IQCH: variants seen among roughly 807,000 people sequenced by gnomAD.
IQCH encodes IQ motif containing H.
In IQCH, 98 loss-of-function variants were observed where a neutral mutation model predicts 117.0. The observed-to-expected ratio is 0.84, with a 90% CI of 0.71 to 0.99. The LOEUF is 0.99. IQCH is among the 50% of genes least tolerant of loss of function. IQCH has a pLI of 0.00. For synonymous variants in IQCH, 412 were observed against 448.2 expected, an observed-to-expected ratio of 0.92 and a Z score of 1.02; for missense variants, 1,102 against 1,243.8, an observed-to-expected ratio of 0.89 and a Z score of 1.72.
chr15:67,397,368 T>A (rs577826772), intron 13 of IQCH, among the ~76,000 whole-genome samples: 25 of 152,340 alleles, frequency 1.6e-4, no homozygotes, highest in African/African-American at 6.0e-4. Context: ...AAAACCTCCT[T>A]AGAGACACAT....
rs909702322 is a variant in IQCH, at chr15:67,356,700, A to G, written c.638-645A>G. 1.3e-5 allele frequency among the ~76,000 whole-genome samples: 2 copies of G among 152,162 alleles called. No homozygotes were observed. Among genetic ancestry groups the G allele is most frequent in the African/African-American group, 4.8e-5 (2 of 41,446 alleles). On this transcript the variant is annotated intron_variant, in intron 6 of 20. Transcript: ENST00000335894. This position sits in a 1 kb window ranked among gnomAD's most constrained non-coding sequence, Gnocchi z 5.3. ...GTATAAGGATTTTTCTCCCCTGAGA[A>G]TGTCAGACTTGGGCTTTTGGTAAAG...
rs1180390616 is a variant in IQCH, at chr15:67,476,334, T to C, written c.2799+516T>C. On this transcript the variant is annotated intron_variant, in intron 18 of 20. Transcript: ENST00000335894. This position sits in a 1 kb window ranked among gnomAD's most constrained non-coding sequence, Gnocchi z 4.1. ...GCTTCCTGGCTTGTAAATGGCTGCC[T>C]CCTTGCGGTGTCCTCACATATGGAA... is the stretch of plus-strand genomic sequence containing the variant. Among the ~76,000 whole-genome samples, 1 of 152,250 alleles carries C rather than the reference T, an allele frequency of 6.6e-6. No homozygotes were observed. Among genetic ancestry groups the C allele is most frequent in the Non-Finnish European group, 1.5e-5 (1 of 68,038 alleles).
chr15:67,452,584 C>T lies in IQCH; in HGVS notation c.2506-12543C>T, dbSNP rs570790143. On this transcript the variant is annotated intron_variant, in intron 16 of 20. Coordinates refer to ENST00000335894, the MANE Select transcript of IQCH (RefSeq NM_001031715.3). ...CTCTTCTGGCTTGTAGAGTTTCTGC[C>T]GAGAGATCAGCTGTTAGTCTGATGG... 1.3e-3 allele frequency among the ~76,000 whole-genome samples: 198 copies of T among 152,188 alleles called. 2 individuals carry two copies. In the South Asian group the frequency reaches 0.014, roughly 11 times the overall value.
At chr15:67,316,769 G>C (rs569231595) in intron 4 of IQCH, among the ~76,000 whole-genome samples, 1 of 152,282 alleles carries the variant, frequency 6.6e-6, no homozygotes, top group African/African-American at 2.4e-5. Flanking sequence ...CAAGCTAAAA[G>C]TCAAAGGATC....
chr15:67,364,396 A>G lies in IQCH; in HGVS notation c.753+4511A>G, dbSNP rs1011315964. Among the ~76,000 whole-genome samples the G allele has an allele frequency of 3.9e-5, 6 of 152,190 alleles. No individual in the cohort carries two copies. Among genetic ancestry groups the G allele is most frequent in the Non-Finnish European group, 5.9e-5 (4 of 68,030 alleles). On this transcript the variant is annotated intron_variant, in intron 8 of 20. Coordinates refer to ENST00000335894, the MANE Select transcript of IQCH (RefSeq NM_001031715.3). This position sits in a 1 kb window ranked among gnomAD's most constrained non-coding sequence, Gnocchi z 4.1. Reference sequence around the variant, plus strand: ...TAAACTTTCCAAATGAATTGAAATTATATAGTTTTATTTGCCAAACAATTT... The same window carrying G: ...TAAACTTTCCAAATGAATTGAAATTGTATAGTTTTATTTGCCAAACAATTT...
chr15:67,494,499 G>T lies in IQCH; in HGVS notation c.2970+133G>T. On this transcript the variant is annotated intron_variant, in intron 20 of 20. Transcript: ENST00000335894. This position sits in a 1 kb window ranked among gnomAD's most constrained non-coding sequence, Gnocchi z 5.5. ...CAGTACATATTTTACAGTGTGCAGG[G>T]TCAATACTGTAAGGTTCCCACTGAG... The T allele has an allele frequency of 1.9e-6, 1 of 519,450 alleles. No homozygotes were observed. The highest frequency in any genetic ancestry group is 3.4e-5 in the South Asian group (1 of 29,366). 32.2% of individuals were successfully genotyped at this position (519,450 alleles called of 1,614,324 possible).
rs1469449437 is a variant in IQCH at position 67,388,818 on chromosome 15, C to T, written c.1457-13C>T. The stretch of plus-strand genomic sequence containing the variant: ...TTCACACCAGTAATTAACATTGTGC[C>T]TGTTGTTTTTAGATGCCAATGTGAA... On this transcript the variant is annotated splice_polypyrimidine_tract_variant and intron_variant, in intron 11 of 20. Coordinates refer to ENST00000335894, the MANE Select transcript of IQCH (RefSeq NM_001031715.3). This position sits in a 1 kb window ranked among gnomAD's most constrained non-coding sequence, Gnocchi z 5.5. 6.2e-7 allele frequency: 1 copy of T among 1,607,806 alleles called. No homozygotes were observed. The highest frequency in any genetic ancestry group is 1.1e-5 in the South Asian group (1 of 90,794).
chr15:67,341,931 C>A (rs1346490554), intron 5 of IQCH, among the ~76,000 whole-genome samples: 2 of 151,996 alleles, frequency 1.3e-5, no homozygotes, highest in Non-Finnish European at 2.9e-5. Context: ...ACAAATGAAC[C>A]TTAATCTTTA....
chr15:67,357,558 A>G, intron 7 of IQCH, 137 bp downstream of exon 7: 1 of 667,462 alleles, frequency 1.5e-6, no homozygotes, highest in Non-Finnish European at 2.7e-6. Context: ...GCTGGTATGC[A>G]TTTGACTTTC....
intron 6 of IQCH, among the ~76,000 whole-genome samples, chr15:67,345,282 C>T (rs897549355): frequency 1.5e-4 from 23 of 152,136 alleles, no homozygotes; most frequent in African/African-American, 2.7e-4. Flanking sequence ...TGAGCCAGCG[C>T]GCCCAGCCCC....
At chr15:67,269,172 T>TG (rs1441307746) in intron 3 of IQCH, among the ~76,000 whole-genome samples, 8 of 152,260 alleles carry the variant, frequency 5.3e-5, no homozygotes, top group Non-Finnish European at 1.2e-4. Context: ...ATATCTCATC[T>TG]TACAGATAAA....
At chr15:67,434,532 G>A (rs540080869) in intron 16 of IQCH, among the ~76,000 whole-genome samples, 18 of 152,106 alleles carry the variant, frequency 1.2e-4, no homozygotes, top group African/African-American at 1.4e-4. Flanking sequence ...TTGTTTCCAC[G>A]TCTTGGCTAT....
chr15:67,305,348 A>G (rs901219582), intron 4 of IQCH, among the ~76,000 whole-genome samples: 1 of 152,096 alleles, frequency 6.6e-6, no homozygotes, highest in African/African-American at 2.4e-5. Flanking sequence ...CATTCGTGTA[A>G]CCCTGAAATA....
At chr15:67,464,119 G>A (rs746789381) in intron 16 of IQCH, among the ~76,000 whole-genome samples, 15 of 152,246 alleles carry the variant, frequency 9.9e-5, no homozygotes, top group African/African-American at 3.4e-4. Context: ...ATAAGCCACC[G>A]TGCCCAGCCT....
intron 3 of IQCH, among the ~76,000 whole-genome samples, chr15:67,270,542 G>T (rs192936379): frequency 3.9e-5 from 6 of 152,308 alleles, no homozygotes; most frequent in African/African-American, 1.4e-4. Context: ...GATCTCTCAT[G>T]AATGGATTGG....
intron 18 of IQCH, among the ~76,000 whole-genome samples, chr15:67,478,705 C>CACGA (rs1433539775): frequency 6.6e-6 from 1 of 152,014 alleles, no homozygotes; most frequent in Non-Finnish European, 1.5e-5. Flanking sequence ...GCGGGCAGAT[C>CACGA]ACGAGGTCAG....
Position 67,454,050 on chromosome 15 carries a change from T to C in IQCH, c.2506-11077T>C, listed in dbSNP as rs898615708. Reference sequence around the variant, plus strand: ...GAGCCATGTGAGGGATATAATCTCCTGGTGTGCTGTTTTTTAAGCCCGTTG... The same window carrying C: ...GAGCCATGTGAGGGATATAATCTCCCGGTGTGCTGTTTTTTAAGCCCGTTG... On this transcript the variant is annotated intron_variant, in intron 16 of 20. Coordinates refer to ENST00000335894, the MANE Select transcript of IQCH (RefSeq NM_001031715.3). This position sits in a 1 kb window ranked among gnomAD's most constrained non-coding sequence, Gnocchi z 5.2. Among the ~76,000 whole-genome samples the C allele has an allele frequency of 1.3e-5, 2 of 152,214 alleles. No homozygotes were observed. The highest frequency in any genetic ancestry group is 2.4e-5 in the African/African-American group (1 of 41,456).
chr15:67,479,245 T>C lies in IQCH; in HGVS notation c.2799+3427T>C, dbSNP rs2083286310. 6.6e-6 allele frequency among the ~76,000 whole-genome samples: 1 copy of C among 152,220 alleles called. No individual in the cohort carries two copies. The highest frequency in any genetic ancestry group is 1.9e-4 in the East Asian group (1 of 5,198). On this transcript the variant is annotated intron_variant, in intron 18 of 20. Transcript: ENST00000335894. This position sits in a 1 kb window ranked among gnomAD's most constrained non-coding sequence, Gnocchi z 4.6. ...TTCATGCCTGTCCTATAAGAAGGTG[T>C]TATTTCTACCATATTACAGTGAGGA...
rs758271426 is a variant in IQCH at position 67,364,354 on chromosome 15, C to T, written c.753+4469C>T. Reference sequence around the variant, plus strand: ...ATTCATTAGAAATTGCCATCCTCACCTATGCGTTTTCATCATTAAACTTTC... The same window carrying T: ...ATTCATTAGAAATTGCCATCCTCACTTATGCGTTTTCATCATTAAACTTTC... On this transcript the variant is annotated intron_variant, in intron 8 of 20. Transcript: ENST00000335894. This position sits in a 1 kb window ranked among gnomAD's most constrained non-coding sequence, Gnocchi z 4.1. Among the ~76,000 whole-genome samples the T allele has an allele frequency of 4.6e-5, 7 of 152,040 alleles. No homozygotes were observed. Among genetic ancestry groups the T allele is most frequent in the Non-Finnish European group, 7.4e-5 (5 of 67,998 alleles).
Sources: allele counts gnomAD v4.1 joint callset (sites outside exome capture counted in the v4.1 genomes callset), GRCh38; gene constraint gnomAD v4.1.1; non-coding constraint Gnocchi (gnomAD v3.1); transcripts MANE v1.5; gene names NCBI Gene and HGNC (gene_info 2026-07-23, HGNC 2026-07-21).